TMEM177: variants seen among roughly 807,000 people sequenced by gnomAD.
The protein encoded by TMEM177 is transmembrane protein 177.
Under a neutral mutation model 14.2 loss-of-function variants are expected in TMEM177, and 4 were observed. The observed-to-expected ratio is 0.28, with a 90% CI of 0.14 to 0.64. TMEM177 has a LOEUF of 0.64. TMEM177 is among the 30% of genes least tolerant of loss of function. The pLI is 0.82. For missense variants in TMEM177, 344 were observed against 405.2 expected, an observed-to-expected ratio of 0.85 and a Z score of 1.30; for synonymous variants, 179 against 174.5, an observed-to-expected ratio of 1.03 and a Z score of -0.20.
downstream of TMEM177, among the ~76,000 whole-genome samples, chr2:119,685,125 C>G (rs78375402): frequency 0.031 from 4,750 of 151,976 alleles, 152 homozygotes; most frequent in African/African-American, 0.082. Flanking sequence ...CAAGGATGCC[C>G]GACATCCCAG....
chr2:119,708,312 T>A, the TMEM177 span, among the ~76,000 whole-genome samples: 2 of 151,648 alleles, frequency 1.3e-5, no homozygotes, highest in African/African-American at 2.4e-5. Context: ...TTTATTTTTG[T>A]GGAAAAAAAA....
At chr2:119,723,172 T>G in the TMEM177 span, among the ~76,000 whole-genome samples, 2 of 152,078 alleles carry the variant, frequency 1.3e-5, no homozygotes, top group Non-Finnish European at 2.9e-5. Context: ...ACCAAATGCT[T>G]TATAAAAAAG....
the TMEM177 span, among the ~76,000 whole-genome samples, chr2:119,701,780 A>G: frequency 1.5e-3 from 224 of 152,348 alleles, 1 homozygote; most frequent in African/African-American, 4.8e-3. Flanking sequence ...CAGAGTTTTT[A>G]AAGATAATTT....
the TMEM177 span, among the ~76,000 whole-genome samples, chr2:119,721,773 A>C: frequency 4.4e-4 from 67 of 152,234 alleles, no homozygotes; most frequent in Non-Finnish European, 2.9e-5. Context: ...TGCCAGCAGC[A>C]ACATACCTAC....
At chr2:119,705,039 T>C in the TMEM177 span, among the ~76,000 whole-genome samples, 2 of 152,174 alleles carry the variant, frequency 1.3e-5, no homozygotes, top group African/African-American at 4.8e-5. Context: ...GTGACCTAGT[T>C]CCTGGCACGT....
chr2:119,700,620 A>G, the TMEM177 span, among the ~76,000 whole-genome samples: 1 of 152,198 alleles, frequency 6.6e-6, no homozygotes, highest in Non-Finnish European at 1.5e-5. Flanking sequence ...CCATCGGGCC[A>G]TGTTTCAAAA....
At chr2:119,686,647 G>C (rs1404311552), downstream of TMEM177, 1 of 151,842 alleles carries the variant, frequency 6.6e-6, no homozygotes, top group East Asian at 1.9e-4. Flanking sequence ...GTCTTACTCA[G>C]CCTTGGCCTC....
At chr2:119,697,767 C>T in the TMEM177 span, among the ~76,000 whole-genome samples, 1 of 152,130 alleles carries the variant, frequency 6.6e-6, no homozygotes, top group East Asian at 1.9e-4. Flanking sequence ...AGCAACCTCG[C>T]TGAGGGCTTC....
the TMEM177 span, among the ~76,000 whole-genome samples, chr2:119,692,121 C>G: frequency 6.6e-6 from 1 of 152,256 alleles, no homozygotes; most frequent in Non-Finnish European, 1.5e-5. Flanking sequence ...CTCCTAACAA[C>G]TCCTGTTGGA....
At chr2:119,720,702 T>C in the TMEM177 span, among the ~76,000 whole-genome samples, 1 of 152,210 alleles carries the variant, frequency 6.6e-6, no homozygotes, top group Non-Finnish European at 1.5e-5. Context: ...AGTGAAAAAG[T>C]GAAAACTCTG....
chr2:119,683,580 C>A (rs1208833456), downstream of TMEM177, among the ~76,000 whole-genome samples: 1 of 152,186 alleles, frequency 6.6e-6, no homozygotes, highest in Non-Finnish European at 1.5e-5. Flanking sequence ...TCAGGCATTC[C>A]TGCTGATCTG....
At chr2:119,704,757 G>A in the TMEM177 span, among the ~76,000 whole-genome samples, 5 of 152,184 alleles carry the variant, frequency 3.3e-5, no homozygotes, top group African/African-American at 1.2e-4. Context: ...TAGAATGGGA[G>A]GAGCTGACTT....
chr2:119,691,355 G>A (rs1356557555), downstream of TMEM177, among the ~76,000 whole-genome samples: 1 of 152,172 alleles, frequency 6.6e-6, no homozygotes, highest in African/African-American at 2.4e-5. Flanking sequence ...CTGGCACAGA[G>A]TTAAAGCCTG....
chr2:119,719,544 C>G, the TMEM177 span, among the ~76,000 whole-genome samples: 1 of 152,166 alleles, frequency 6.6e-6, no homozygotes, highest in Admixed American at 6.5e-5. Context: ...CTGCTGGGAG[C>G]TTTTGGGAAA....
At position 119,679,223 on chromosome 2, in the gene TMEM177, G is replaced by C. The variant is rs951976788; in HGVS notation, c.-76G>C. ...CATGTAGGCGTTCCGAGCGGCGGCG[G>C]AGGTGAGCGCACGGACGAGCGGGAG... On this transcript the variant is annotated 5_prime_UTR_variant, in exon 1 of 2. Coordinates refer to ENST00000272521, the MANE Select transcript of TMEM177 (RefSeq NM_030577.3). 2 of 152,252 alleles carry C rather than the reference G, an allele frequency of 1.3e-5. No individual in the cohort carries two copies. The highest frequency in any genetic ancestry group is 2.9e-5 in the Non-Finnish European group (2 of 68,068). 9.4% of individuals were successfully genotyped at this position (152,252 alleles called of 1,614,324 possible). A position where few individuals can be genotyped will look rare whatever the true frequency, so the allele number is the denominator to read the frequency against.
the TMEM177 span, among the ~76,000 whole-genome samples, chr2:119,711,825 G>A: frequency 6.6e-6 from 1 of 152,136 alleles, no homozygotes; most frequent in African/African-American, 2.4e-5. Flanking sequence ...ACCAGAACAG[G>A]CTCCCTGAGA....
the TMEM177 span, among the ~76,000 whole-genome samples, chr2:119,704,622 A>G: frequency 6.6e-6 from 1 of 152,146 alleles, no homozygotes; most frequent in Non-Finnish European, 1.5e-5. Context: ...AAGGGGAGGA[A>G]AGGAGGAGGA....
Position 119,681,472 on chromosome 2 carries a change from G to T in TMEM177, c.619G>T (p.Val207Leu), listed in dbSNP as rs776870821. The change falls in exon 2 of 2, where the codon GTG becomes TTG. Residue 207 changes from valine to leucine, a missense_variant. Coordinates refer to ENST00000272521, the MANE Select transcript of TMEM177 (RefSeq NM_030577.3). ...PMNLRAAFSL[V>L]AAVAGFVAYA... ...GAATTTACGGGCTGCCTTCAGCTTGGTGGCAGCAGTGGCAGGCTTTGTGGC... is the reference window on the plus strand; with the variant it reads ...GAATTTACGGGCTGCCTTCAGCTTGTTGGCAGCAGTGGCAGGCTTTGTGGC... 3 of 1,613,444 alleles carry T rather than the reference G, an allele frequency of 1.9e-6. No individual in the cohort carries two copies. Among genetic ancestry groups the T allele is most frequent in the Middle Eastern group, 1.6e-4 (1 of 6,062 alleles).
At chr2:119,690,258 C>T (rs1280526512), downstream of TMEM177, among the ~76,000 whole-genome samples, 2 of 152,178 alleles carry the variant, frequency 1.3e-5, no homozygotes, top group African/African-American at 4.8e-5. Context: ...CCTTCGCTCT[C>T]TCCTTCCTGC....
Sources: gnomAD v4.1 joint callset for allele counts (sites outside exome capture counted in the v4.1 genomes callset) on GRCh38, gnomAD v4.1.1 for gene constraint, MANE v1.5 for transcripts, NCBI Gene and HGNC (gene_info 2026-07-23, HGNC 2026-07-21) for gene names.